Variants in PITPNM2 observed in about 807,000 individuals in gnomAD.
PITPNM2 encodes phosphatidylinositol transfer protein membrane associated 2.
In PITPNM2, 35 loss-of-function variants were observed where a neutral mutation model predicts 132.2. The ratio of observed to expected loss-of-function variants is 0.26; its 90% CI spans 0.20 to 0.35. The LOEUF (loss-of-function observed/expected upper bound fraction) is 0.35, where lower values mean the gene tolerates loss of function less well. Ranked by LOEUF, PITPNM2 falls within the 10% of genes least tolerant of loss-of-function variation. PITPNM2 has a pLI of 1.00. For missense variants in PITPNM2, 1,332 were observed against 1,912.0 expected, an observed-to-expected ratio of 0.70 and a Z score of 5.66; for synonymous variants, 738 against 799.2, an observed-to-expected ratio of 0.92 and a Z score of 1.29.
At chr12:123,028,702 C>G (rs967522146) in intron 3 of PITPNM2, among the ~76,000 whole-genome samples, 1 of 152,194 alleles carries the variant, frequency 6.6e-6, no homozygotes, top group Non-Finnish European at 1.5e-5. Flanking sequence ...GTGATTCTGA[C>G]GTACGTTCAC....
At chr12:123,024,615 T>C (rs1161707948) in intron 3 of PITPNM2, among the ~76,000 whole-genome samples, 2 of 152,036 alleles carry the variant, frequency 1.3e-5, no homozygotes, top group Non-Finnish European at 2.9e-5. Context: ...CACTGGCACA[T>C]GATACAAGAG....
chr12:123,147,729 G>A (rs1569068), intron 1 of PITPNM2, among the ~76,000 whole-genome samples: 102,026 of 152,084 alleles, frequency 0.67, 37,052 homozygotes, highest in East Asian at 0.97. Flanking sequence ...GGTATAGAAA[G>A]AGCCACACAT....
At chr12:123,049,766 A>G (rs1338160901) in intron 2 of PITPNM2, among the ~76,000 whole-genome samples, 2 of 152,114 alleles carry the variant, frequency 1.3e-5, no homozygotes, top group African/African-American at 2.4e-5. Context: ...CCATAATCCC[A>G]GTAGATAATC....
At chr12:123,114,372 G>A (rs1215427244) in intron 1 of PITPNM2, among the ~76,000 whole-genome samples, 2 of 151,446 alleles carry the variant, frequency 1.3e-5, no homozygotes, top group African/African-American at 2.4e-5. Flanking sequence ...CTGCCCAAAG[G>A]CAAATTCCAG....
intron 3 of PITPNM2, among the ~76,000 whole-genome samples, chr12:123,029,827 CTG>C (rs57222285): frequency 0.34 from 45,230 of 135,006 alleles, 6,980 homozygotes; most frequent in African/African-American, 0.55. Flanking sequence ...ACATATGTGT[CTG>C]TGTGTGTGTG....
At chr12:122,996,174 T>C (rs1231332151) in intron 13 of PITPNM2, among the ~76,000 whole-genome samples, 1 of 152,200 alleles carries the variant, frequency 6.6e-6, no homozygotes, top group Non-Finnish European at 1.5e-5. Context: ...GGCCAGAATG[T>C]GCTGGGCTTC....
chr12:123,000,337 T>A lies in PITPNM2; in HGVS notation c.1224+441A>T. On this transcript the variant is annotated intron_variant, in intron 10 of 25. Coordinates refer to ENST00000320201, the MANE Select transcript of PITPNM2 (RefSeq NM_020845.3). The surrounding 1 kb of genome is among the most constrained non-coding windows in gnomAD (Gnocchi z 5.4). ...GACAGTTTTATTGGACACACTGAGCTCCGCCTGCCTCCCGCGGGGCCATCT... is the reference window on the plus strand; with the variant it reads ...GACAGTTTTATTGGACACACTGAGCACCGCCTGCCTCCCGCGGGGCCATCT... 1 of 695,260 alleles carries A rather than the reference T, an allele frequency of 1.4e-6. No individual in the cohort carries two copies. Among genetic ancestry groups the A allele is most frequent in the South Asian group, 1.5e-5 (1 of 67,094 alleles). 43.1% of individuals were successfully genotyped at this position (695,260 alleles called of 1,614,324 possible).
At chr12:123,044,407 G>A (rs2040587212) in intron 2 of PITPNM2, among the ~76,000 whole-genome samples, 1 of 152,230 alleles carries the variant, frequency 6.6e-6, no homozygotes, top group African/African-American at 2.4e-5. Context: ...GAGATGCTTA[G>A]AGGCTGAGAG....
chr12:123,002,024 CTT>C (rs1449391748), intron 8 of PITPNM2, among the ~76,000 whole-genome samples: 3 of 147,658 alleles, frequency 2.0e-5, no homozygotes, highest in Non-Finnish European at 4.5e-5. Flanking sequence ...GAGCAAAACT[CTT>C]GTCTCAAAAA....
At position 123,036,854 on chromosome 12, in the gene PITPNM2, C is replaced by T. The variant is rs989953575; in HGVS notation, c.-95-2169G>A. ...AAGGACTCTTGCTAGGAGGGGCTTC[C>T]CCTCTCCTGCGACCTGTCCACCAGC... On this transcript the variant is annotated intron_variant, in intron 2 of 25. Coordinates refer to ENST00000320201, the MANE Select transcript of PITPNM2 (RefSeq NM_020845.3). This position sits in a 1 kb window ranked among gnomAD's most constrained non-coding sequence, Gnocchi z 4.1. 6.6e-6 allele frequency among the ~76,000 whole-genome samples: 1 copy of T among 152,220 alleles called. No individual in the cohort carries two copies. The highest frequency in any genetic ancestry group is 1.5e-5 in the Non-Finnish European group (1 of 68,030).
chr12:123,148,567 G>A (rs2043665243), intron 1 of PITPNM2, among the ~76,000 whole-genome samples: 1 of 152,018 alleles, frequency 6.6e-6, no homozygotes, highest in African/African-American at 2.4e-5. Flanking sequence ...GCATCTATCT[G>A]CTTGGTGTTA....
Position 123,034,648 on chromosome 12 carries a change from G to A in PITPNM2, c.-58C>T. ...CTGCAAGTTGGGACTTCTAGGCAAG[G>A]TTCCTTAAATAACCATGACAAAATT... On this transcript the variant is annotated 5_prime_UTR_variant, in exon 3 of 26. Transcript: ENST00000320201. 1 of 1,493,722 alleles carries A rather than the reference G, an allele frequency of 6.7e-7. No individual in the cohort carries two copies. 92.5% of individuals were successfully genotyped at this position (1,493,722 alleles called of 1,614,324 possible).
intron 1 of PITPNM2, among the ~76,000 whole-genome samples, chr12:123,114,551 C>T (rs1048162821): frequency 6.6e-6 from 1 of 151,054 alleles, no homozygotes; most frequent in African/African-American, 2.4e-5. Context: ...TCCCCTTTGT[C>T]CCAGTGTGCC....
At chr12:123,014,566 T>C (rs1280632359) in intron 3 of PITPNM2, among the ~76,000 whole-genome samples, 3 of 152,084 alleles carry the variant, frequency 2.0e-5, no homozygotes, top group Non-Finnish European at 4.4e-5. Context: ...TAGCCAGGCA[T>C]GTGGCACATG....
intron 10 of PITPNM2, among the ~76,000 whole-genome samples, chr12:122,999,412 C>A (rs985885700): frequency 4.6e-5 from 7 of 152,204 alleles, no homozygotes; most frequent in Admixed American, 3.9e-4. Flanking sequence ...ACAACATGAG[C>A]CCTGTTGGGC....
intron 1 of PITPNM2, among the ~76,000 whole-genome samples, chr12:123,132,292 C>T (rs575660255): frequency 2.6e-5 from 4 of 152,330 alleles, no homozygotes; most frequent in African/African-American, 9.6e-5. Context: ...GGAACACCCA[C>T]CTCCACTCCC....
intron 2 of PITPNM2, among the ~76,000 whole-genome samples, chr12:123,103,426 G>A (rs757265778): frequency 1.3e-5 from 2 of 152,226 alleles, no homozygotes; most frequent in Admixed American, 6.5e-5. Flanking sequence ...GCCTGACATC[G>A]TCAAGACTGC....
chr12:123,023,356 G>A lies in PITPNM2; in HGVS notation c.79-9314C>T, dbSNP rs1036862049. Among the ~76,000 whole-genome samples, 1 of 152,210 alleles carries A rather than the reference G, an allele frequency of 6.6e-6. No homozygotes were observed. Among genetic ancestry groups the A allele is most frequent in the Non-Finnish European group, 1.5e-5 (1 of 68,040 alleles). ...AGGCCCATGGATTCAGGGCTCTTCT[G>A]GGTGGAGCAGAAGGTGCACGTGACC... On this transcript the variant is annotated intron_variant, in intron 3 of 25. Coordinates refer to ENST00000320201, the MANE Select transcript of PITPNM2 (RefSeq NM_020845.3). This position sits in a 1 kb window ranked among gnomAD's most constrained non-coding sequence, Gnocchi z 4.8.
intron 1 of PITPNM2, among the ~76,000 whole-genome samples, chr12:123,135,743 G>C (rs2043367985): frequency 6.6e-6 from 1 of 152,100 alleles, no homozygotes; most frequent in Non-Finnish European, 1.5e-5. Flanking sequence ...CGCTGCCCAG[G>C]CTGGAGTGCA....
Sources: gnomAD v4.1 joint callset for allele counts (sites outside exome capture counted in the v4.1 genomes callset) on GRCh38, gnomAD v4.1.1 for gene constraint, Gnocchi (gnomAD v3.1) non-coding constraint, MANE v1.5 for transcripts, NCBI Gene and HGNC (gene_info 2026-07-23, HGNC 2026-07-21) for gene names.